Variants in ZNF462 observed in about 807,000 individuals in gnomAD.
ZNF462 encodes zinc finger PBX1-interacting protein.
In ZNF462, 10 loss-of-function variants were observed where a neutral mutation model predicts 201.9. The ratio of observed to expected loss-of-function variants is 0.05; its 90% CI spans 0.03 to 0.08. ZNF462 has a LOEUF of 0.08. Ranked by LOEUF, ZNF462 falls within the 10% of genes least tolerant of loss-of-function variation. The pLI is 1.00. For synonymous variants in ZNF462, 1,227 were observed against 1,193.3 expected, an observed-to-expected ratio of 1.03 and a Z score of -0.58; for missense variants, 2,523 against 3,168.3, an observed-to-expected ratio of 0.80 and a Z score of 4.89.
At chr9:106,912,152 A>C (rs1227554619) in intron 1 of ZNF462, among the ~76,000 whole-genome samples, 1 of 152,092 alleles carries the variant, frequency 6.6e-6, no homozygotes, top group Non-Finnish European at 1.5e-5. Context: ...CTCTTCAGTG[A>C]CTTTGTTGGC....
rs1396814594 is a variant in ZNF462, at chr9:106,929,083, C to T, written c.5171C>T (p.Ala1724Val). The change falls in exon 3 of 13, where the codon GCG (alanine) becomes GTG (valine). Residue 1724 changes from alanine to valine, a missense_variant. Ala to Val is a moderately conservative substitution (Grantham distance 64). Transcript: ENST00000277225. The surrounding 1 kb of genome is among the most constrained non-coding windows in gnomAD (Gnocchi z 8.7). Reference sequence around the variant, plus strand: ...TACCAGAAGCGCCACGACATTGATGCGTATTACACTCACTGCTTGGCAGCC... The same window carrying T: ...TACCAGAAGCGCCACGACATTGATGTGTATTACACTCACTGCTTGGCAGCC... ...AHYQKRHDID[A>V]YYTHCLAASR... The T allele has an allele frequency of 6.2e-7, 1 of 1,614,130 alleles. No individual in the cohort carries two copies. Among genetic ancestry groups the T allele is most frequent in the Non-Finnish European group, 8.5e-7 (1 of 1,180,032 alleles).
At chr9:106,940,375 TA>T (rs1313497219) in intron 7 of ZNF462, among the ~76,000 whole-genome samples, 2 of 152,206 alleles carry the variant, frequency 1.3e-5, no homozygotes, top group African/African-American at 4.8e-5. Context: ...TGTGTGTGTT[TA>T]AAACAAGAGA....
In ZNF462 at chr9:106,993,171, A is replaced by G. The variant is rs1828422450; in HGVS notation, c.7056+8762A>G. Among the ~76,000 whole-genome samples, 1 of 152,198 alleles carries G rather than the reference A, an allele frequency of 6.6e-6. No homozygotes were observed. The highest frequency in any genetic ancestry group is 2.4e-5 in the African/African-American group (1 of 41,462). ...AGGATTTCATTAAAAAGAACTGAAC[A>G]TTCAAAACTGGACTTCTGAATTCTG... On this transcript the variant is annotated intron_variant, in intron 10 of 12. Transcript: ENST00000277225. This position sits in a 1 kb window ranked among gnomAD's most constrained non-coding sequence, Gnocchi z 4.0.
intron 1 of ZNF462, among the ~76,000 whole-genome samples, chr9:106,914,085 C>A (rs1829666025): frequency 1.4e-5 from 2 of 145,724 alleles, no homozygotes; most frequent in African/African-American, 2.5e-5. Flanking sequence ...AAAAATAAAA[C>A]TGAAAACTCA....
At chr9:106,936,719 C>A (rs189162240) in intron 6 of ZNF462, among the ~76,000 whole-genome samples, 18 of 152,328 alleles carry the variant, frequency 1.2e-4, no homozygotes, top group Admixed American at 1.2e-3. Context: ...GGACACTATC[C>A]TGGTGAGTTT....
intron 7 of ZNF462, among the ~76,000 whole-genome samples, chr9:106,942,812 G>A (rs180772154): frequency 1.4e-3 from 220 of 152,306 alleles, no homozygotes; most frequent in African/African-American, 2.9e-3. Flanking sequence ...CAATGGATAC[G>A]TAACTTAAAA....
Position 106,932,553 on chromosome 9 carries a change from A to G in ZNF462, c.6116+4A>G. The G allele has an allele frequency of 1.2e-6, 2 of 1,614,216 alleles. No homozygotes were observed. Among genetic ancestry groups the G allele is most frequent in the Non-Finnish European group, 1.7e-6 (2 of 1,180,032 alleles). On this transcript the variant is annotated splice_donor_region_variant and intron_variant, in intron 5 of 12. Transcript: ENST00000277225. This position sits in a 1 kb window ranked among gnomAD's most constrained non-coding sequence, Gnocchi z 6.8. ...TTGTTTCTGCTTTCAGGCACAAGTA[A>G]GTGCTATTGGGGGGTCACTAGTGGT...
At chr9:107,007,273 C>G (rs879929443) in intron 11 of ZNF462, among the ~76,000 whole-genome samples, 1 of 152,156 alleles carries the variant, frequency 6.6e-6, no homozygotes, top group Non-Finnish European at 1.5e-5. Context: ...AAAGAAAACT[C>G]GAATTTAAAA....
intron 10 of ZNF462, among the ~76,000 whole-genome samples, chr9:107,001,703 A>G (rs953687415): frequency 1.3e-5 from 2 of 152,156 alleles, no homozygotes; most frequent in Non-Finnish European, 2.9e-5. Flanking sequence ...CAGGATTCAT[A>G]ATTGACCTCT....
At position 106,923,945 on chromosome 9, in the gene ZNF462, C is replaced by A. The variant is rs2131436144; in HGVS notation, c.221-188C>A. Among the ~76,000 whole-genome samples, 2 of 152,256 alleles carry A rather than the reference C, an allele frequency of 1.3e-5. No homozygotes were observed. Among genetic ancestry groups the A allele is most frequent in the South Asian group, 4.1e-4 (2 of 4,820 alleles). ...TAAAGCTATACACTGCATCTTTATC[C>A]ATGAGAAGGTGCAGTACGTATATCT... On this transcript the variant is annotated intron_variant, in intron 2 of 12. Transcript: ENST00000277225. This position sits in a 1 kb window ranked among gnomAD's most constrained non-coding sequence, Gnocchi z 5.6.
chr9:106,907,275 G>A (rs1368535859), intron 1 of ZNF462, among the ~76,000 whole-genome samples: 1 of 152,050 alleles, frequency 6.6e-6, no homozygotes, highest in Admixed American at 6.5e-5. Context: ...TGTAATCTGT[G>A]TCACACTGGA....
chr9:106,990,302 A>C (rs12553031), intron 10 of ZNF462, among the ~76,000 whole-genome samples: 3 of 151,642 alleles, frequency 2.0e-5, no homozygotes, highest in Non-Finnish European at 2.9e-5. Context: ...TACAATTTCA[A>C]TTTTCTTAAT....
chr9:106,987,119 A>G lies in ZNF462; in HGVS notation c.7056+2710A>G, dbSNP rs139009821. ...TTTTGCAATTGTGAATTGTGCTGCT[A>G]TAAACATGCATATGCAAGTATCTTT... is the stretch of plus-strand genomic sequence containing the variant. On this transcript the variant is annotated intron_variant, in intron 10 of 12. Coordinates refer to ENST00000277225, the MANE Select transcript of ZNF462 (RefSeq NM_021224.6). Among the ~76,000 whole-genome samples the G allele has an allele frequency of 4.7e-3, 714 of 152,276 alleles. 9 individuals are homozygous for G. The highest frequency in any genetic ancestry group is 0.017 in the African/African-American group (690 of 41,558).
chr9:106,881,669 A>C (rs1389039605), intron 1 of ZNF462, among the ~76,000 whole-genome samples: 1 of 152,174 alleles, frequency 6.6e-6, no homozygotes, highest in Non-Finnish European at 1.5e-5. Flanking sequence ...TTTTACATGA[A>C]ATCCCAATTG....
At chr9:106,989,612 G>A (rs1564156169) in intron 10 of ZNF462, among the ~76,000 whole-genome samples, 1 of 151,984 alleles carries the variant, frequency 6.6e-6, no homozygotes, top group East Asian at 1.9e-4. Context: ...CAAAAGTAAT[G>A]CTACCAATCC....
chr9:106,958,507 T>G (rs2131863553), intron 7 of ZNF462, among the ~76,000 whole-genome samples: 1 of 152,218 alleles, frequency 6.6e-6, no homozygotes, highest in African/African-American at 2.4e-5. Flanking sequence ...TTTCTCCACT[T>G]ATTTTCTCTT....
chr9:106,987,903 C>T (rs1043208448), intron 10 of ZNF462, among the ~76,000 whole-genome samples: 16 of 152,136 alleles, frequency 1.1e-4, no homozygotes, highest in African/African-American at 3.9e-4. Context: ...ATCCCAGCAC[C>T]ATTTGTTGAA....
chr9:107,002,177 T>G (rs1486039607), intron 10 of ZNF462, among the ~76,000 whole-genome samples: 1 of 152,204 alleles, frequency 6.6e-6, no homozygotes, highest in Non-Finnish European at 1.5e-5. Flanking sequence ...CATCTAGCTG[T>G]GTCCTCATCA....
Position 106,932,469 on chromosome 9 carries a change from C to T in ZNF462, c.6036C>T (p.Ser2012=), listed in dbSNP as rs199803713. The T allele has an allele frequency of 1.5e-5, 25 of 1,614,218 alleles. 2 individuals carry two copies. The East Asian group carries it at 3.1e-4, about 20-fold the overall frequency. ...AGGGGCTGCGTTCTCATGAGAGGAG[C>T]CACCTGGCCCTGGCCATGTTTACCC... The part of the protein sequence containing the change: ...AVKGLRSHER[S]HLALAMFTRE... Residue 2012 remains serine (S), a synonymous_variant, in exon 5 of 13, where the codon AGC becomes AGT. Transcript: ENST00000277225. The surrounding 1 kb of genome is among the most constrained non-coding windows in gnomAD (Gnocchi z 6.8).
Sources: allele counts gnomAD v4.1 joint callset (sites outside exome capture counted in the v4.1 genomes callset), GRCh38; gene constraint gnomAD v4.1.1; non-coding constraint Gnocchi (gnomAD v3.1); transcripts MANE v1.5; gene names NCBI Gene and HGNC (gene_info 2026-07-23, HGNC 2026-07-21).